SLC44A5: variants seen among roughly 807,000 people sequenced by gnomAD.
SLC44A5 encodes solute carrier family 44 member 5.
A neutral mutation model predicts 101.8 loss-of-function variants in SLC44A5; 57 were observed. The ratio of observed to expected loss-of-function variants is 0.56; its 90% CI spans 0.45 to 0.70. The LOEUF is 0.70. Among genes scored for constraint, SLC44A5 ranks in the 30% least tolerant of loss-of-function variants. The pLI is 0.00. For missense variants in SLC44A5, 737 were observed against 853.1 expected, an observed-to-expected ratio of 0.86 and a Z score of 1.70; for synonymous variants, 281 against 290.9, an observed-to-expected ratio of 0.97 and a Z score of 0.35.
intron 4 of SLC44A5, among the ~76,000 whole-genome samples, chr1:75,335,826 G>C (rs935505233): frequency 6.6e-6 from 1 of 152,170 alleles, no homozygotes; most frequent in Non-Finnish European, 1.5e-5. Context: ...TAAATTAGTA[G>C]TCTTCTTTGC....
the SLC44A5 span, chr1:75,677,770 G>A: frequency 1.8e-5 from 8 of 438,088 alleles, no homozygotes; most frequent in East Asian, 7.3e-5. Flanking sequence ...CAAGATGGCC[G>A]AATAGGAACA....
the SLC44A5 span, among the ~76,000 whole-genome samples, chr1:75,709,477 A>C: frequency 1.3e-5 from 2 of 152,216 alleles, no homozygotes; most frequent in African/African-American, 2.4e-5. Context: ...ATTTTTAACT[A>C]TCTGAAGCTC....
At chr1:75,238,736 G>T in intron 9 of SLC44A5, 100 bp from the exon 10 acceptor site, 1 of 757,886 alleles carries the variant, frequency 1.3e-6, no homozygotes, top group Non-Finnish European at 1.9e-6. Context: ...TCAAATTCTT[G>T]CTAGGCATGC....
In SLC44A5 at chr1:75,406,335, A is replaced by G. The variant is rs551450051; in HGVS notation, c.14-9714T>C. Among the ~76,000 whole-genome samples the G allele has an allele frequency of 2.6e-5, 4 of 152,342 alleles. No homozygotes were observed. In the South Asian group the frequency reaches 8.3e-4, roughly 32 times the overall value. ...TGAAATTCTTCCAAACTATGGAAAT[A>G]GAGGGAATCCTCTGTAACTCATTTT... On this transcript the variant is annotated intron_variant, in intron 2 of 23. Transcript: ENST00000370859.
At chr1:75,236,907 T>C in intron 11 of SLC44A5, 80 bp downstream of exon 11, 1 of 718,028 alleles carries the variant, frequency 1.4e-6, no homozygotes, top group East Asian at 2.7e-5. Context: ...TGAATAAAAA[T>C]ATAAAATTTG....
In SLC44A5 at chr1:75,438,905, T is replaced by C. The variant is rs565986467; in HGVS notation, c.14-42284A>G. 3.3e-5 allele frequency among the ~76,000 whole-genome samples: 5 copies of C among 152,216 alleles called. No individual in the cohort carries two copies. The East Asian group carries it at 7.7e-4, about 24-fold the overall frequency. On this transcript the variant is annotated intron_variant, in intron 2 of 23. Coordinates refer to ENST00000370859, the MANE Select transcript of SLC44A5 (RefSeq NM_001130058.2). ...TGAAATTAACAGCAAAAAAATAAAG[T>C]CAAAGTCTTTTAGGATAAAGACTAT... is the stretch of plus-strand genomic sequence containing the variant.
rs1647010601 is a variant in SLC44A5, at chr1:75,218,564, A to G, written c.1455T>C (p.Thr485=). The G allele has an allele frequency of 2.5e-6, 4 of 1,613,742 alleles. No individual in the cohort carries two copies. The highest frequency in any genetic ancestry group is 3.4e-6 in the Non-Finnish European group (4 of 1,179,812). Reference sequence around the variant, plus strand: ...CAGGTTTTTTCATGGCCCAGTAATAAGTAGCGAATGCACCAGCAAGGGCGC... The same window carrying G: ...CAGGTTTTTTCATGGCCCAGTAATAGGTAGCGAATGCACCAGCAAGGGCGC... The part of the protein sequence containing the change: ...GQCALAGAFA[T]YYWAMKKPDD... Residue 485 remains threonine, a synonymous_variant, in exon 17 of 24, where the codon ACT becomes ACC. Coordinates refer to ENST00000370859, the MANE Select transcript of SLC44A5 (RefSeq NM_001130058.2).
At position 75,263,082 on chromosome 1, in the gene SLC44A5, A is replaced by G. The variant is rs1027294806; in HGVS notation, c.261-11788T>C. 5.9e-5 allele frequency among the ~76,000 whole-genome samples: 9 copies of G among 152,346 alleles called. No homozygotes were observed. The East Asian group carries it at 1.7e-3, about 29-fold the overall frequency. ...GGACATAGGCATAGGCAAGGACTTC[A>G]TGACTAAAACATGAAAGCAATGGCA... On this transcript the variant is annotated intron_variant, in intron 6 of 23. Transcript: ENST00000370859.
intron 6 of SLC44A5, among the ~76,000 whole-genome samples, chr1:75,258,409 G>GGAACAAAGTCGTTGC (rs1650201336): frequency 6.6e-6 from 1 of 152,072 alleles, no homozygotes; most frequent in African/African-American, 2.4e-5. Flanking sequence ...AAAGTCGTTG[G>GGAACAAAGTCGTTGC]GAAGTTGGAA....
intron 2 of SLC44A5, among the ~76,000 whole-genome samples, chr1:75,425,475 G>C (rs1664254626): frequency 6.6e-6 from 1 of 152,194 alleles, no homozygotes; most frequent in Non-Finnish European, 1.5e-5. Flanking sequence ...CATTTTAGAG[G>C]AACACTGTCA....
At chr1:75,420,951 C>T (rs1663964141) in intron 2 of SLC44A5, among the ~76,000 whole-genome samples, 1 of 151,946 alleles carries the variant, frequency 6.6e-6, no homozygotes, top group South Asian at 2.1e-4. Flanking sequence ...AATAAATAGC[C>T]ATTAGAACAC....
chr1:75,209,383 T>C (rs754561503), intron 23 of SLC44A5, among the ~76,000 whole-genome samples: 1 of 152,176 alleles, frequency 6.6e-6, no homozygotes, highest in Non-Finnish European at 1.5e-5. Context: ...ATGGTTAATG[T>C]TGGAGATGAG....
chr1:75,414,282 T>TATACATAC (rs10567313), intron 2 of SLC44A5, among the ~76,000 whole-genome samples: 31 of 148,642 alleles, frequency 2.1e-4, no homozygotes, highest in Non-Finnish European at 3.0e-4. Flanking sequence ...TATACACATA[T>TATACATAC]ATACATACAT....
chr1:75,570,982 T>A (rs1673044476), intron 1 of SLC44A5, among the ~76,000 whole-genome samples: 1 of 152,114 alleles, frequency 6.6e-6, no homozygotes, highest in East Asian at 1.9e-4. Flanking sequence ...CCCAGTCAGT[T>A]TCATTCTTCC....
the SLC44A5 span, among the ~76,000 whole-genome samples, chr1:75,688,628 G>A: frequency 6.6e-6 from 1 of 152,152 alleles, no homozygotes; most frequent in Non-Finnish European, 1.5e-5. Context: ...CATTTTCAAA[G>A]CCTCGGGGGC....
chr1:75,722,657 C>T, the SLC44A5 span, among the ~76,000 whole-genome samples: 1 of 152,210 alleles, frequency 6.6e-6, no homozygotes. Flanking sequence ...GCTGTGGAAG[C>T]TCTGTGGCTG....
At chr1:75,508,707 C>T (rs1212325469) in intron 2 of SLC44A5, among the ~76,000 whole-genome samples, 1 of 152,084 alleles carries the variant, frequency 6.6e-6, no homozygotes, top group Non-Finnish European at 1.5e-5. Flanking sequence ...TTCTCAGAGA[C>T]TATTATGAAC....
At chr1:75,668,887 C>T in the SLC44A5 span, among the ~76,000 whole-genome samples, 15 of 151,068 alleles carry the variant, frequency 9.9e-5, no homozygotes, top group Non-Finnish European at 1.5e-4. Context: ...CCCAGCTACT[C>T]GGGAGGCTGG....
intron 3 of SLC44A5, among the ~76,000 whole-genome samples, chr1:75,361,235 A>G (rs1659468595): frequency 6.6e-6 from 1 of 152,110 alleles, no homozygotes; most frequent in Non-Finnish European, 1.5e-5. Flanking sequence ...TCTTATGTAT[A>G]TAAGATCATG....
Sources: gnomAD v4.1 joint callset for allele counts (sites outside exome capture counted in the v4.1 genomes callset) on GRCh38, gnomAD v4.1.1 for gene constraint, MANE v1.5 for transcripts, NCBI Gene and HGNC (gene_info 2026-07-23, HGNC 2026-07-21) for gene names.